The following LRRTM4 variants were observed in gnomAD, a reference collection of about 807,000 sequenced individuals.
LRRTM4 encodes the protein leucine rich repeat transmembrane neuronal 4.
LRRTM4 carries 25 observed loss-of-function variants against 47.6 expected under a neutral mutation model. That is an observed-to-expected ratio of 0.53 (90% CI 0.38 to 0.73). The LOEUF is 0.73. LRRTM4 is among the 30% of genes least tolerant of loss of function. LRRTM4 has a pLI of 0.00. For synonymous variants in LRRTM4, 311 were observed against 269.5 expected (o/e 1.15, Z -1.51); for missense variants, 638 against 713.4 (o/e 0.89, Z 1.20).
chr2:77,204,153 A>G (rs1323053677), intron 3 of LRRTM4, among the ~76,000 whole-genome samples: 1 of 152,184 alleles, frequency 6.6e-6, no homozygotes, highest in Non-Finnish European at 1.5e-5. Context: ...AACTGAGTCC[A>G]GTGCAAACAT....
At chr2:77,134,138 C>T (rs1036208285) in intron 3 of LRRTM4, among the ~76,000 whole-genome samples, 1 of 151,978 alleles carries the variant, frequency 6.6e-6, no homozygotes, top group Non-Finnish European at 1.5e-5. Flanking sequence ...ATATTTCATA[C>T]TGCAAATCCA....
intron 3 of LRRTM4, among the ~76,000 whole-genome samples, chr2:77,290,872 C>A (rs914512149): frequency 2.0e-5 from 3 of 151,870 alleles, no homozygotes; most frequent in Admixed American, 1.3e-4. Flanking sequence ...TGCGCTTTTC[C>A]GAGTTGCATC....
chr2:76,782,132 C>G (rs1016275999), intron 3 of LRRTM4, among the ~76,000 whole-genome samples: 1 of 152,108 alleles, frequency 6.6e-6, no homozygotes, highest in African/African-American at 2.4e-5. Flanking sequence ...ATCTTGCACC[C>G]GCATAAAAGC....
chr2:77,377,014 G>T (rs975130040), intron 3 of LRRTM4, among the ~76,000 whole-genome samples: 1 of 151,582 alleles, frequency 6.6e-6, no homozygotes, highest in Non-Finnish European at 1.5e-5. Flanking sequence ...ATCACTAAGG[G>T]CATGTTTATT....
rs552755164 is a variant in LRRTM4, at chr2:77,132,937, T to C, written c.1552-384021A>G. ...TGGAGGAGGAAGAAGATAGATAAAATGCAGGTTGGTATAGACATTACACTG... is the reference window on the plus strand; with the variant it reads ...TGGAGGAGGAAGAAGATAGATAAAACGCAGGTTGGTATAGACATTACACTG... On this transcript the variant is annotated intron_variant, in intron 3 of 3. Transcript: ENST00000409884. Among the ~76,000 whole-genome samples, 22 of 152,254 alleles carry C rather than the reference T, an allele frequency of 1.4e-4. No homozygotes were observed. In the South Asian group the frequency reaches 1.4e-3, roughly 10 times the overall value.
intron 3 of LRRTM4, among the ~76,000 whole-genome samples, chr2:77,358,794 C>T (rs950663679): frequency 1.3e-5 from 2 of 152,002 alleles, no homozygotes; most frequent in African/African-American, 4.8e-5. Flanking sequence ...ATTAAAAATG[C>T]ATTTTCTTAC....
intron 3 of LRRTM4, among the ~76,000 whole-genome samples, chr2:76,996,557 A>C (rs1446573240): frequency 2.1e-5 from 2 of 97,246 alleles, no homozygotes; most frequent in African/African-American, 7.0e-5. Flanking sequence ...AATTCACAGG[A>C]AAAATAAAAA....
At chr2:77,338,726 C>A (rs1431052596) in intron 3 of LRRTM4, among the ~76,000 whole-genome samples, 1 of 151,964 alleles carries the variant, frequency 6.6e-6, no homozygotes, top group Non-Finnish European at 1.5e-5. Context: ...AATTACCATT[C>A]GACTCAGCAA....
At chr2:77,055,181 CCTG>C (rs150832578) in intron 3 of LRRTM4, among the ~76,000 whole-genome samples, 9,675 of 152,214 alleles carry the variant, frequency 0.064, 386 homozygotes, top group Middle Eastern at 0.17. Flanking sequence ...GACAGCCTGC[CCTG>C]CTGCTTTCTC....
Position 76,867,072 on chromosome 2 carries a change from G to C in LRRTM4, c.1552-118156C>G, listed in dbSNP as rs142417343. Among the ~76,000 whole-genome samples, 894 of 152,172 alleles carry C rather than the reference G, an allele frequency of 5.9e-3. 11 individuals are homozygous for C. The highest frequency in any genetic ancestry group is 0.021 in the African/African-American group (855 of 41,522). On this transcript the variant is annotated intron_variant, in intron 3 of 3. Coordinates refer to ENST00000409884, the MANE Select transcript of LRRTM4 (RefSeq NM_001134745.3). ...CATCACACAACGTCTGTTAGGGGGT[G>C]GTGGGGCAAGGGGAGGGAGAACATT... is the stretch of plus-strand genomic sequence containing the variant.
chr2:77,334,975 A>G (rs1028400358), intron 3 of LRRTM4, among the ~76,000 whole-genome samples: 9 of 152,196 alleles, frequency 5.9e-5, no homozygotes, highest in African/African-American at 2.2e-4. Flanking sequence ...GCTAGTTTCT[A>G]TTTGAATACT....
At chr2:77,080,284 C>T (rs1157794185) in intron 3 of LRRTM4, among the ~76,000 whole-genome samples, 1 of 151,984 alleles carries the variant, frequency 6.6e-6, no homozygotes, top group Non-Finnish European at 1.5e-5. Context: ...TTTTTTTGAC[C>T]TTTATTCTTC....
chr2:76,870,534 A>G (rs951474858), intron 3 of LRRTM4, among the ~76,000 whole-genome samples: 1 of 152,144 alleles, frequency 6.6e-6, no homozygotes, highest in South Asian at 2.1e-4. Context: ...GGTATATGGC[A>G]GGCCAATGAA....
rs571144397 is a variant in LRRTM4 at position 77,499,482 on chromosome 2, G to C, written c.1551+18836C>G. Among the ~76,000 whole-genome samples, 48 of 151,910 alleles carry C rather than the reference G, an allele frequency of 3.2e-4. 1 individual carries two copies. The highest frequency in any genetic ancestry group is 9.6e-4 in the African/African-American group (40 of 41,470). On this transcript the variant is annotated intron_variant, in intron 3 of 3. Transcript: ENST00000409884. Reference sequence around the variant, plus strand: ...GTCTCTGAGATGCAAAGATATTAAGGCATGATAGGAATAAAGAATTCAAAA... The same window carrying C: ...GTCTCTGAGATGCAAAGATATTAAGCCATGATAGGAATAAAGAATTCAAAA...
chr2:77,348,657 T>C (rs1671654414), intron 3 of LRRTM4, among the ~76,000 whole-genome samples: 1 of 150,616 alleles, frequency 6.6e-6, no homozygotes, highest in African/African-American at 2.4e-5. Flanking sequence ...AATAGCATTT[T>C]GCTTATATAT....
chr2:77,133,657 G>A (rs1430164258), intron 3 of LRRTM4, among the ~76,000 whole-genome samples: 1 of 152,032 alleles, frequency 6.6e-6, no homozygotes, highest in African/African-American at 2.4e-5. Flanking sequence ...ATTATATTTC[G>A]ATGTTGGATG....
At chr2:77,067,979 C>T (rs2103818485) in intron 3 of LRRTM4, among the ~76,000 whole-genome samples, 1 of 151,942 alleles carries the variant, frequency 6.6e-6, no homozygotes, top group South Asian at 2.1e-4. Flanking sequence ...TGAGCTATTG[C>T]CTTGCATACT....
intron 3 of LRRTM4, among the ~76,000 whole-genome samples, chr2:77,309,104 T>TA (rs1677373716): frequency 6.6e-6 from 1 of 152,054 alleles, no homozygotes; most frequent in African/African-American, 2.4e-5. Flanking sequence ...GAGTTAGAAA[T>TA]AAAAAAGCAG....
intron 3 of LRRTM4, among the ~76,000 whole-genome samples, chr2:76,962,616 A>T (rs1267339655): frequency 1.3e-5 from 2 of 150,850 alleles, no homozygotes; most frequent in Non-Finnish European, 3.0e-5. Context: ...TTTATTTTTA[A>T]AATAAAAATA....
Sources: gnomAD v4.1 joint callset for allele counts (sites outside exome capture counted in the v4.1 genomes callset) on GRCh38, gnomAD v4.1.1 for gene constraint, MANE v1.5 for transcripts, NCBI Gene and HGNC (gene_info 2026-07-23, HGNC 2026-07-21) for gene names.